The following ZFYVE28 variants were observed in gnomAD, a reference collection of about 807,000 sequenced individuals.
The protein encoded by ZFYVE28 is lateral signaling target protein 2 homolog.
A neutral mutation model predicts 82.1 loss-of-function variants in ZFYVE28; 40 were observed. The ratio of observed to expected loss-of-function variants is 0.49; its 90% CI spans 0.38 to 0.63. The LOEUF is 0.63. ZFYVE28 is among the 30% of genes least tolerant of loss of function. The pLI, the probability that ZFYVE28 is intolerant of heterozygous loss-of-function variation, is 0.00. For missense variants in ZFYVE28, 1,321 were observed against 1,242.1 expected, an observed-to-expected ratio of 1.06 and a Z score of -0.96; for synonymous variants, 612 against 546.1, an observed-to-expected ratio of 1.12 and a Z score of -1.68.
In ZFYVE28 at chr4:2,374,447, A is replaced by AC. The variant is rs1727895715; in HGVS notation, c.40-20375_40-20374insG. Among the ~76,000 whole-genome samples the AC allele has an allele frequency of 6.6e-5, 10 of 152,220 alleles. No homozygotes were observed. In the South Asian group the frequency reaches 2.1e-3, roughly 32 times the overall value. ...TACAACACAGTGAGACCTCATCTCTATAAAAAAAAACAAAAATTAGCTGGA... is the reference window on the plus strand; with the variant it reads ...TACAACACAGTGAGACCTCATCTCTACTAAAAAAAAACAAAAATTAGCTGGA... On this transcript the variant is annotated intron_variant, in intron 1 of 12. Coordinates refer to ENST00000290974, the MANE Select transcript of ZFYVE28 (RefSeq NM_020972.3).
chr4:2,345,862 A>G (rs1723460358), intron 2 of ZFYVE28, among the ~76,000 whole-genome samples: 1 of 152,150 alleles, frequency 6.6e-6, no homozygotes, highest in South Asian at 2.1e-4. Context: ...CCGAAATAAT[A>G]CAAGTGAGAA....
chr4:2,270,973 C>T, intron 12 of ZFYVE28, 117 bp from the exon 13 acceptor site: 1 of 1,437,050 alleles, frequency 7.0e-7, no homozygotes, highest in African/African-American at 1.4e-5. Flanking sequence ...GTGGGGACTG[C>T]CCAGCCCCAG....
rs1466310598 is a variant in ZFYVE28, at chr4:2,304,525, C to T, written c.1815G>A (p.Arg605=). The change falls in exon 8 of 13, where the codon AGG becomes AGA. Residue 605 remains arginine (R), a synonymous_variant. Coordinates refer to ENST00000290974, the MANE Select transcript of ZFYVE28 (RefSeq NM_020972.3). ...GCGCCTCCTCCTGTCTCTCAGGGGCCCTGTCGCTGGCCTTGGCTAAGCCGG... is the reference window on the plus strand; with the variant it reads ...GCGCCTCCTCCTGTCTCTCAGGGGCTCTGTCGCTGGCCTTGGCTAAGCCGG... ...YAAGLAKASD[R]APERQEEAPP... is the part of the protein sequence containing the mutation. 1 of 1,612,654 alleles carries T rather than the reference C, an allele frequency of 6.2e-7. No homozygotes were observed.
chr4:2,379,426 C>A (rs1367672617), intron 1 of ZFYVE28, among the ~76,000 whole-genome samples: 1 of 152,230 alleles, frequency 6.6e-6, no homozygotes, highest in Non-Finnish European at 1.5e-5. Flanking sequence ...CAGGAAAAAC[C>A]AAGCTGACAG....
chr4:2,330,778 G>T, intron 6 of ZFYVE28: 1 of 1,523,034 alleles, frequency 6.6e-7, no homozygotes. Context: ...AGTAGGGATA[G>T]GACAGTCAAG....
chr4:2,376,530 C>T (rs555205684), intron 1 of ZFYVE28, among the ~76,000 whole-genome samples: 6 of 152,190 alleles, frequency 3.9e-5, no homozygotes, highest in African/African-American at 1.2e-4. Flanking sequence ...CCTCAGGGAA[C>T]TTACAACCAT....
intron 1 of ZFYVE28, among the ~76,000 whole-genome samples, chr4:2,396,943 CGATCACTCTG>C (rs1393931123): frequency 6.6e-6 from 1 of 152,146 alleles, no homozygotes; most frequent in Non-Finnish European, 1.5e-5. Context: ...TGTGCTTCAA[CGATCACTCTG>C]GCTGCTGTGC....
chr4:2,276,828 G>A (rs1280952235), intron 8 of ZFYVE28, among the ~76,000 whole-genome samples: 1 of 152,096 alleles, frequency 6.6e-6, no homozygotes, highest in Non-Finnish European at 1.5e-5. Flanking sequence ...CGGGGGGAGT[G>A]AGTGATGGGG....
chr4:2,393,292 T>C (rs143956179), intron 1 of ZFYVE28, among the ~76,000 whole-genome samples: 33 of 152,312 alleles, frequency 2.2e-4, no homozygotes, highest in African/African-American at 6.0e-4. Flanking sequence ...AAACACAGAG[T>C]AATTCCAATA....
intron 6 of ZFYVE28, among the ~76,000 whole-genome samples, chr4:2,326,225 A>AT (rs1719835168): frequency 3.9e-5 from 6 of 152,066 alleles, no homozygotes; most frequent in Admixed American, 3.9e-4. Flanking sequence ...TTTTGAGTTG[A>AT]TTTTTTATAT....
At chr4:2,321,037 G>A (rs762284019) in intron 6 of ZFYVE28, among the ~76,000 whole-genome samples, 12 of 152,056 alleles carry the variant, frequency 7.9e-5, no homozygotes, top group Admixed American at 2.0e-4. Flanking sequence ...GTCTCAGCCC[G>A]TCTCTCCTTG....
rs141242318 is a variant in ZFYVE28 at position 2,305,451 on chromosome 4, G to A, written c.889C>T (p.Arg297Cys). The A allele has an allele frequency of 4.5e-4, 725 of 1,612,954 alleles. 6 individuals are homozygous for A. The South Asian group carries it at 5.8e-3, about 13-fold the overall frequency. Residue 297 changes from arginine (R) to cysteine (C), a missense_variant, in exon 8 of 13, where the codon CGC becomes TGC. Arg to Cys is a radical substitution (Grantham distance 180). This residue lies in a region of ZFYVE28 where 978 missense variants were observed against 833.7 expected (regional missense o/e 1.17). Coordinates refer to ENST00000290974, the MANE Select transcript of ZFYVE28 (RefSeq NM_020972.3). ...GCAGCGGGTCCCTGCACGTCTGCGC[G>A]GATGGGGAACTCCACGTCTTGGGAA... ...CISQDVEFPI[R>C]ADVQGPAALA... is the part of the protein sequence containing the mutation.
chr4:2,289,564 C>T (rs756434787), intron 8 of ZFYVE28, among the ~76,000 whole-genome samples: 45 of 152,152 alleles, frequency 3.0e-4, no homozygotes, highest in Admixed American at 1.2e-3. Context: ...GGGGTGGGCA[C>T]GGAGCCAGGT....
chr4:2,398,134 G>A (rs930343145), intron 1 of ZFYVE28, among the ~76,000 whole-genome samples: 5 of 152,332 alleles, frequency 3.3e-5, no homozygotes, highest in African/African-American at 7.2e-5. Flanking sequence ...AGATACAAGT[G>A]TGAGGCACCA....
At chr4:2,407,404 G>A (rs1732039369) in intron 1 of ZFYVE28, among the ~76,000 whole-genome samples, 1 of 151,886 alleles carries the variant, frequency 6.6e-6, no homozygotes, top group African/African-American at 2.4e-5. Flanking sequence ...GTTGCAGCCT[G>A]TCCCCTTAGG....
At position 2,296,723 on chromosome 4, in the gene ZFYVE28, C is replaced by T. The variant is rs540315917; in HGVS notation, c.2051+7566G>A. Among the ~76,000 whole-genome samples, 7 of 152,200 alleles carry T rather than the reference C, an allele frequency of 4.6e-5. No homozygotes were observed. The East Asian group carries it at 5.8e-4, about 13-fold the overall frequency. ...CTCCCAGTGAGGGGGAGGGGAGGCC[C>T]GCGGGGCGGCACCTGCTGCTCAAGG... On this transcript the variant is annotated intron_variant, in intron 8 of 12. Transcript: ENST00000290974.
chr4:2,276,131 C>G (rs1025755104), intron 8 of ZFYVE28, among the ~76,000 whole-genome samples: 4 of 152,012 alleles, frequency 2.6e-5, no homozygotes, highest in Non-Finnish European at 5.9e-5. Context: ...TTCAGGGCAG[C>G]GGGCTGCGGC....
At chr4:2,383,636 GC>G (rs1429503891) in intron 1 of ZFYVE28, among the ~76,000 whole-genome samples, 4 of 152,200 alleles carry the variant, frequency 2.6e-5, no homozygotes, top group Admixed American at 6.5e-5. Context: ...CTGTTAAAAT[GC>G]CTTTATCTTT....
chr4:2,304,627 C>A lies in ZFYVE28; in HGVS notation c.1713G>T (p.Gly571=), dbSNP rs984629958. 3.1e-6 allele frequency: 5 copies of A among 1,612,394 alleles called. No individual in the cohort carries two copies. The Admixed American group carries it at 6.7e-5, about 22-fold the overall frequency. The change falls in exon 8 of 13, where the codon GGG becomes GGT. Residue 571 remains glycine, a synonymous_variant. Transcript: ENST00000290974. ...LHSCVCCGSC[G]DSREDVVERL... ...GCTCCACCACGTCCTCCCTGCTGTC[C>A]CCGCAGCTCCCACAGCACACGCAGG...
Sources: allele counts gnomAD v4.1 joint callset (sites outside exome capture counted in the v4.1 genomes callset), GRCh38; gene constraint gnomAD v4.1.1; regional missense constraint gnomAD v4.1.1; transcripts MANE v1.5; gene names NCBI Gene and HGNC (gene_info 2026-07-23, HGNC 2026-07-21).